FGD4: variants seen among roughly 807,000 people sequenced by gnomAD.
FGD4 encodes FYVE, RhoGEF and PH domain containing 4, also known as FYVE, RhoGEF and PH domain-containing protein 4.
Under a neutral mutation model 102.0 loss-of-function variants are expected in FGD4, and 42 were observed. The ratio of observed to expected loss-of-function variants is 0.41; its 90% CI spans 0.32 to 0.53. The LOEUF is 0.53. Among genes scored for constraint, FGD4 ranks in the 20% least tolerant of loss-of-function variants. FGD4 has a pLI of 0.21. For missense variants in FGD4, 902 were observed against 1,078.2 expected (o/e 0.84, Z 2.29); for synonymous variants, 380 against 375.7 (o/e 1.01, Z -0.13).
intron 1 of FGD4, among the ~76,000 whole-genome samples, chr12:32,408,939 C>T (rs1204729175): frequency 2.0e-5 from 3 of 152,166 alleles, no homozygotes; most frequent in Admixed American, 2.0e-4. Context: ...GGGGTCCCAT[C>T]TGCCCTCTGG....
At position 32,642,092 on chromosome 12, in the gene FGD4, A is replaced by T. The variant is rs1010435039; in HGVS notation, c.*1559A>T. ...GCCTTGTTACTTTAAGAAATATCTT[A>T]TTTTTTCCACCCCAAAGGAGCAAGT... On this transcript the variant is annotated 3_prime_UTR_variant, in exon 17 of 17. Coordinates refer to ENST00000534526, the MANE Select transcript of FGD4 (RefSeq NM_001370298.3). The T allele has an allele frequency of 6.6e-6, 1 of 151,974 alleles. No individual in the cohort carries two copies. The highest frequency in any genetic ancestry group is 1.5e-5 in the Non-Finnish European group (1 of 67,924). The allele number at this position is 151,974 out of a possible 1,614,324, so 9.4% of individuals were successfully genotyped here.
At chr12:32,608,743 GC>G (rs1393780554) in intron 8 of FGD4, among the ~76,000 whole-genome samples, 5 of 152,064 alleles carry the variant, frequency 3.3e-5, no homozygotes, top group African/African-American at 1.2e-4. Flanking sequence ...AATAACAGTG[GC>G]TTGATATTCA....
At chr12:32,583,425 C>T (rs759016766) in intron 4 of FGD4, among the ~76,000 whole-genome samples, 26 of 151,948 alleles carry the variant, frequency 1.7e-4, no homozygotes, top group Non-Finnish European at 3.5e-4. Context: ...TTTTCAAGGT[C>T]ACGCTGTTTT....
At chr12:32,525,077 CTTCT>C (rs1941001350) in intron 1 of FGD4, among the ~76,000 whole-genome samples, 1 of 152,146 alleles carries the variant, frequency 6.6e-6, no homozygotes, top group African/African-American at 2.4e-5. Context: ...CCCCTGTGTT[CTTCT>C]TTCTTTTTCT....
chr12:32,516,947 T>A (rs1939954718), intron 1 of FGD4, among the ~76,000 whole-genome samples: 1 of 152,216 alleles, frequency 6.6e-6, no homozygotes, highest in Non-Finnish European at 1.5e-5. Context: ...TCCGTAATAC[T>A]GTAGTAGATC....
intron 11 of FGD4, among the ~76,000 whole-genome samples, chr12:32,623,360 A>AT (rs968025292): frequency 7.3e-5 from 11 of 151,294 alleles, no homozygotes; most frequent in Admixed American, 3.3e-4. Flanking sequence ...TTTAAAAAAA[A>AT]TTTTTTTTTT....
At chr12:32,538,411 T>C (rs1362587883) in intron 1 of FGD4, among the ~76,000 whole-genome samples, 1 of 152,186 alleles carries the variant, frequency 6.6e-6, no homozygotes, top group African/African-American at 2.4e-5. Context: ...ATTATAAATA[T>C]TTGTAGTGTT....
chr12:32,512,446 CAAA>C (rs764927551), intron 1 of FGD4, among the ~76,000 whole-genome samples: 1 of 130,258 alleles, frequency 7.7e-6, no homozygotes, highest in Non-Finnish European at 1.7e-5. Context: ...GACTCTGTCT[CAAA>C]AAAAAAAAAA....
chr12:32,505,614 T>TTGCTC (rs759524934), intron 1 of FGD4, among the ~76,000 whole-genome samples: 1 of 152,252 alleles, frequency 6.6e-6, no homozygotes, highest in Non-Finnish European at 1.5e-5. Context: ...TAACCTTTTC[T>TTGCTC]TGCTCAGTTG....
intron 1 of FGD4, among the ~76,000 whole-genome samples, chr12:32,453,998 T>C (rs769958777): frequency 2.6e-5 from 4 of 152,086 alleles, no homozygotes; most frequent in Non-Finnish European, 5.9e-5. Context: ...CAGGGAAAGA[T>C]TGTGGACTCG....
intron 1 of FGD4, among the ~76,000 whole-genome samples, chr12:32,442,001 G>T (rs1244979628): frequency 6.6e-6 from 1 of 151,804 alleles, no homozygotes; most frequent in African/African-American, 2.4e-5. Flanking sequence ...CTGCTCTCAG[G>T]GTGGGGGAAG....
chr12:32,527,103 A>G (rs776974631), intron 1 of FGD4, among the ~76,000 whole-genome samples: 2 of 152,200 alleles, frequency 1.3e-5, no homozygotes, highest in Non-Finnish European at 2.9e-5. Context: ...TTCATATACC[A>G]TTGAGCTGTG....
chr12:32,622,927 T>C (rs896943704), intron 11 of FGD4, among the ~76,000 whole-genome samples: 1 of 152,112 alleles, frequency 6.6e-6, no homozygotes, highest in Non-Finnish European at 1.5e-5. Context: ...CAAACTGAAG[T>C]TCCAAGAAAG....
chr12:32,624,508 C>A, intron 12 of FGD4, 56 bp downstream of exon 12: 1 of 1,409,804 alleles, frequency 7.1e-7, no homozygotes, highest in Non-Finnish European at 9.8e-7. Context: ...CAGAGTCTCA[C>A]TCTCACCCAG....
At chr12:32,533,422 T>TTTTG (rs374029258) in intron 1 of FGD4, among the ~76,000 whole-genome samples, 7 of 152,276 alleles carry the variant, frequency 4.6e-5, no homozygotes, top group Admixed American at 6.5e-5. Context: ...TGACATTTTC[T>TTTTG]TTTGTTTGTT....
chr12:32,451,927 G>A (rs1361208678), intron 1 of FGD4, among the ~76,000 whole-genome samples: 1 of 146,344 alleles, frequency 6.8e-6, no homozygotes, highest in East Asian at 2.0e-4. Context: ...TTTCCTACCT[G>A]CCCGAGCTAT....
chr12:32,443,343 G>T (rs937452726), intron 1 of FGD4, among the ~76,000 whole-genome samples: 88 of 152,022 alleles, frequency 5.8e-4, no homozygotes, highest in African/African-American at 2.1e-3. Context: ...AAGACCCCTG[G>T]TTTTTTTGGT....
intron 2 of FGD4, among the ~76,000 whole-genome samples, chr12:32,573,130 C>G (rs760539492): frequency 6.8e-6 from 1 of 148,132 alleles, no homozygotes; most frequent in Admixed American, 6.7e-5. Context: ...GAGTTTCACT[C>G]TGTCGCACAG....
intron 2 of FGD4, among the ~76,000 whole-genome samples, chr12:32,576,058 A>C (rs986213605): frequency 1.3e-5 from 2 of 152,172 alleles, no homozygotes; most frequent in African/African-American, 4.8e-5. Context: ...AGAACCACTT[A>C]AGTTTGGAGA....
Sources: allele counts gnomAD v4.1 joint callset (sites outside exome capture counted in the v4.1 genomes callset), GRCh38; gene constraint gnomAD v4.1.1; transcripts MANE v1.5; gene names NCBI Gene and HGNC (gene_info 2026-07-23, HGNC 2026-07-21).